The following TMEM63C variants were observed in gnomAD, a reference collection of about 807,000 sequenced individuals.
TMEM63C encodes transmembrane protein 63C.
A neutral mutation model predicts 99.2 loss-of-function variants in TMEM63C; 32 were observed. That is an observed-to-expected ratio of 0.32 (90% CI 0.24 to 0.43). The LOEUF is 0.43. Among genes scored for constraint, TMEM63C ranks in the 20% least tolerant of loss-of-function variants. The pLI, the probability that TMEM63C is intolerant of heterozygous loss-of-function variation, is 1.00. For missense variants in TMEM63C, 826 were observed against 1,053.0 expected, an observed-to-expected ratio of 0.78 and a Z score of 2.98; for synonymous variants, 376 against 397.9, an observed-to-expected ratio of 0.94 and a Z score of 0.66.
intron 5 of TMEM63C, 122 bp from the exon 6 acceptor site, chr14:77,225,302 C>A: frequency 2.8e-6 from 2 of 717,790 alleles, no homozygotes; most frequent in Non-Finnish European, 2.1e-6. Context: ...CTCTTTTTCC[C>A]AGGAAGGAGG....
chr14:77,232,639 C>G (rs1014005406), intron 7 of TMEM63C, among the ~76,000 whole-genome samples: 2 of 152,220 alleles, frequency 1.3e-5, no homozygotes, highest in Non-Finnish European at 2.9e-5. Context: ...CCGAGCTTTA[C>G]TTTCCTCAAC....
chr14:77,220,073 G>A lies in TMEM63C; in HGVS notation c.298G>A (p.Glu100Lys), dbSNP rs1475731071. The A allele has an allele frequency of 3.2e-6, 5 of 1,558,438 alleles. No individual in the cohort carries two copies. Among genetic ancestry groups the A allele is most frequent in the Non-Finnish European group, 4.3e-6 (5 of 1,151,180 alleles). The change falls in exon 5 of 24, where the codon GAA becomes AAA. Residue 100 changes from glutamate to lysine, a missense_variant. Transcript: ENST00000298351. ...TCCCTCGGAGACTTCCTTGGAGATG[G>A]AACGCAGAGACAAGGTGAGTGCTGG... The part of the protein sequence containing the change: ...TSPSETSLEM[E>K]RRDKGFCSWF...
intron 5 of TMEM63C, among the ~76,000 whole-genome samples, chr14:77,222,130 A>G (rs1050985018): frequency 3.9e-5 from 6 of 152,182 alleles, no homozygotes; most frequent in African/African-American, 7.2e-5. Context: ...TGATTATTCA[A>G]TGCCTTTCAA....
At chr14:77,220,179 G>T in intron 5 of TMEM63C, 92 bp downstream of exon 5, 1 of 1,265,792 alleles carries the variant, frequency 7.9e-7, no homozygotes, top group Non-Finnish European at 1.1e-6. Context: ...TAGACCTTGG[G>T]GCTTTGTAAT....
At chr14:77,244,503 TC>T (rs1322246481) in intron 16 of TMEM63C, 48 bp downstream of exon 16, 1 of 1,486,620 alleles carries the variant, frequency 6.7e-7, no homozygotes, top group Non-Finnish European at 9.4e-7. Context: ...TCCAGCCTCT[TC>T]CCCTGCCCTG....
At chr14:77,213,789 G>A (rs45618034) in intron 2 of TMEM63C, among the ~76,000 whole-genome samples, 23,728 of 49,966 alleles carry the variant, frequency 0.47, 2,243 homozygotes, top group Middle Eastern at 0.56. Context: ...GGCTAAACGT[G>A]CTAGTGAGTT....
chr14:77,197,756 A>T (rs892404318), intron 1 of TMEM63C, among the ~76,000 whole-genome samples: 2 of 152,256 alleles, frequency 1.3e-5, no homozygotes, highest in Non-Finnish European at 2.9e-5. Context: ...CTGTGCCCTA[A>T]CTTCACTTTA....
chr14:77,253,078 G>A (rs985711280), intron 22 of TMEM63C, among the ~76,000 whole-genome samples: 1 of 152,230 alleles, frequency 6.6e-6, no homozygotes, highest in African/African-American at 2.4e-5. Context: ...ACTTCCCCCA[G>A]TGATGGCCCT....
chr14:77,228,709 A>G (rs384462), intron 6 of TMEM63C, among the ~76,000 whole-genome samples: 26,281 of 151,730 alleles, frequency 0.17, 2,471 homozygotes, highest in Non-Finnish European at 0.21. Context: ...GCTAATTTTT[A>G]TATTTTTAGT....
At chr14:77,233,893 A>T (rs1888989938) in intron 8 of TMEM63C, among the ~76,000 whole-genome samples, 2 of 152,208 alleles carry the variant, frequency 1.3e-5, no homozygotes, top group South Asian at 4.1e-4. Context: ...TGTGCCTGAC[A>T]GTCCCCCTCA....
chr14:77,200,795 A>T (rs1277664691), intron 1 of TMEM63C, among the ~76,000 whole-genome samples: 1 of 152,084 alleles, frequency 6.6e-6, no homozygotes, highest in Non-Finnish European at 1.5e-5. Flanking sequence ...TAGGAGGCCC[A>T]TGTGTCCTCA....
Position 77,248,780 on chromosome 14 carries a change from A to G in TMEM63C, c.1778A>G (p.Asp593Gly), listed in dbSNP as rs1424311785. Reference protein sequence around the residue: ...RVNIRKNQAIDFQFGREYAWM... With the variant: ...RVNIRKNQAIGFQFGREYAWM... The stretch of plus-strand genomic sequence containing the variant: ...CTTCTGCCCCAGAACCAGGCCATAG[A>G]CTTCCAGTTTGGGCGTGAGTATGCG... Residue 593 changes from aspartate to glycine, a missense_variant, in exon 20 of 24, where the codon GAC (aspartate) becomes GGC (glycine). Physicochemically the swap from Asp to Gly is moderately conservative, Grantham distance 94. Coordinates refer to ENST00000298351, the MANE Select transcript of TMEM63C (RefSeq NM_020431.4). 1 of 1,614,020 alleles carries G rather than the reference A, an allele frequency of 6.2e-7. No individual in the cohort carries two copies. Among genetic ancestry groups the G allele is most frequent in the Non-Finnish European group, 8.5e-7 (1 of 1,179,878 alleles).
At chr14:77,226,846 C>T (rs1481667789) in intron 6 of TMEM63C, among the ~76,000 whole-genome samples, 18 of 150,850 alleles carry the variant, frequency 1.2e-4, no homozygotes, top group Non-Finnish European at 2.5e-4. Flanking sequence ...CAGCTCACTG[C>T]AACCTCCGCC....
At chr14:77,187,978 T>C (rs1286948179) in intron 1 of TMEM63C, among the ~76,000 whole-genome samples, 1 of 152,202 alleles carries the variant, frequency 6.6e-6, no homozygotes, top group East Asian at 1.9e-4. Context: ...CTTGAAGTTT[T>C]TGCAAAATAC....
rs1412406299 is a variant in TMEM63C at position 77,220,096 on chromosome 14, T to C, written c.312+9T>C. On this transcript the variant is annotated intron_variant, in intron 5 of 23. Transcript: ENST00000298351. Reference sequence around the variant, plus strand: ...TGGAACGCAGAGACAAGGTGAGTGCTGGGAGCGGTCTGGGCGGTGGGAGTC... The same window carrying C: ...TGGAACGCAGAGACAAGGTGAGTGCCGGGAGCGGTCTGGGCGGTGGGAGTC... 1 of 1,555,008 alleles carries C rather than the reference T, an allele frequency of 6.4e-7. No individual in the cohort carries two copies. Among genetic ancestry groups the C allele is most frequent in the African/African-American group, 1.4e-5 (1 of 73,314 alleles).
chr14:77,191,627 C>T (rs1241159742), intron 1 of TMEM63C, among the ~76,000 whole-genome samples: 3 of 148,730 alleles, frequency 2.0e-5, no homozygotes, highest in African/African-American at 7.4e-5. Context: ...TCACCACAAC[C>T]TCCACCTCCT....
At chr14:77,193,062 T>C (rs913880958) in intron 1 of TMEM63C, among the ~76,000 whole-genome samples, 2 of 152,212 alleles carry the variant, frequency 1.3e-5, no homozygotes, top group Non-Finnish European at 2.9e-5. Context: ...TAAGTTGCCT[T>C]AATTTAGAAA....
At chr14:77,255,073 C>T in intron 23 of TMEM63C, among the ~76,000 whole-genome samples, 1 of 152,228 alleles carries the variant, frequency 6.6e-6, no homozygotes, top group East Asian at 1.9e-4. Context: ...TCACTGCAAC[C>T]TCCATCTCCT....
At chr14:77,226,104 A>G (rs947166229) in intron 6 of TMEM63C, among the ~76,000 whole-genome samples, 1 of 152,218 alleles carries the variant, frequency 6.6e-6, no homozygotes, top group Admixed American at 6.5e-5. Context: ...GCATACACAC[A>G]TGCACACTCA....
Sources: allele counts gnomAD v4.1 joint callset (sites outside exome capture counted in the v4.1 genomes callset), GRCh38; gene constraint gnomAD v4.1.1; transcripts MANE v1.5; gene names NCBI Gene and HGNC (gene_info 2026-07-23, HGNC 2026-07-21).